Variants in NEIL3 observed in about 807,000 individuals in gnomAD.
NEIL3 encodes endonuclease 8-like 3.
NEIL3 carries 48 observed loss-of-function variants against 57.5 expected under a neutral mutation model. The ratio of observed to expected loss-of-function variants is 0.83; its 90% CI spans 0.66 to 1.06. NEIL3 has a LOEUF of 1.06. NEIL3 is among the 50% of genes least tolerant of loss of function. The probability of loss-of-function intolerance (pLI) is 0.00; values close to 1 mark genes in which losing one functional copy is unlikely to be tolerated. For synonymous variants in NEIL3, 261 were observed against 253.2 expected, an observed-to-expected ratio of 1.03 and a Z score of -0.29; for missense variants, 717 against 739.1, an observed-to-expected ratio of 0.97 and a Z score of 0.35.
chr4:177,353,023 G>A (rs17064690), intron 7 of NEIL3, among the ~76,000 whole-genome samples: 6,591 of 152,098 alleles, frequency 0.043, 379 homozygotes, highest in African/African-American at 0.13. Flanking sequence ...TGATAACTGA[G>A]TGACCTTTAA....
chr4:177,352,378 C>G (rs1425834343), intron 7 of NEIL3, among the ~76,000 whole-genome samples: 1 of 152,206 alleles, frequency 6.6e-6, no homozygotes, highest in East Asian at 1.9e-4. Flanking sequence ...TAGGTTGCCA[C>G]ATTGATTTCA....
In NEIL3 at chr4:177,353,514, T is replaced by C. The variant is rs1401953215; in HGVS notation, c.1246T>C (p.Phe416Leu). ...TKQNQILDEE[F>L]QNSPPASVCL... Reference sequence around the variant, plus strand: ...GCAAAACCAGATACTAGATGAGGAGTTTCAAAACTCTCCTCCTGCTAGTGT... The same window carrying C: ...GCAAAACCAGATACTAGATGAGGAGCTTCAAAACTCTCCTCCTGCTAGTGT... The change falls in exon 8 of 10, where the codon TTT (phenylalanine) becomes CTT (leucine). Residue 416 changes from phenylalanine to leucine, a missense_variant. By Grantham distance (22) the Phe-to-Leu change is conservative. Transcript: ENST00000264596. The C allele has an allele frequency of 6.8e-6, 11 of 1,609,756 alleles. No individual in the cohort carries two copies. Among genetic ancestry groups the C allele is most frequent in the Non-Finnish European group, 6.8e-6 (8 of 1,178,350 alleles).
chr4:177,332,847 C>T (rs1486740213), intron 2 of NEIL3, among the ~76,000 whole-genome samples: 1 of 152,154 alleles, frequency 6.6e-6, no homozygotes, highest in Non-Finnish European at 1.5e-5. Context: ...CTTTACTTTC[C>T]ATGGCGGGGC....
At position 177,310,028 on chromosome 4, in the gene NEIL3, C is replaced by G; in HGVS notation, c.75C>G (p.Thr25=). The G allele has an allele frequency of 5.0e-6, 8 of 1,610,258 alleles. No homozygotes were observed. Among genetic ancestry groups the G allele is most frequent in the Non-Finnish European group, 6.8e-6 (8 of 1,178,886 alleles). Residue 25 remains threonine (T), a synonymous_variant, in exon 1 of 10, where the codon ACC becomes ACG. Transcript: ENST00000264596. ...GGGTGCTCCCGGGCCAGGCGGTGAC[C>G]GGCGTGCGGGGAAGCGCTCTGCGGA... ...RARVLPGQAV[T]GVRGSALRSL...
intron 5 of NEIL3, among the ~76,000 whole-genome samples, chr4:177,340,320 G>C (rs1735067395): frequency 6.6e-6 from 1 of 152,106 alleles, no homozygotes; most frequent in South Asian, 2.1e-4. Context: ...CTGTAAAATG[G>C]GATAATAATG....
At chr4:177,355,606 G>C (rs1021875417) in intron 8 of NEIL3, among the ~76,000 whole-genome samples, 1 of 152,166 alleles carries the variant, frequency 6.6e-6, no homozygotes, top group East Asian at 1.9e-4. Flanking sequence ...TTGGGACCTA[G>C]AGTAATCTCA....
chr4:177,338,038 A>ACACACACC (rs1735012928), intron 4 of NEIL3, among the ~76,000 whole-genome samples: 1 of 151,906 alleles, frequency 6.6e-6, no homozygotes, highest in South Asian at 2.1e-4. Flanking sequence ...ACACACACAC[A>ACACACACC]CACACACACA....
chr4:177,327,941 G>T (rs571748564), intron 2 of NEIL3, among the ~76,000 whole-genome samples: 5 of 152,084 alleles, frequency 3.3e-5, no homozygotes, highest in Non-Finnish European at 1.5e-5. Flanking sequence ...TTCTGGATTC[G>T]ATTAGTTAAT....
chr4:177,335,706 A>G lies in NEIL3; in HGVS notation c.297A>G (p.Lys99=), dbSNP rs1044007989. 1.9e-6 allele frequency: 3 copies of G among 1,609,026 alleles called. No homozygotes were observed. The highest frequency in any genetic ancestry group is 2.7e-5 in the African/African-American group (2 of 74,698). ...PKALRIHFGM[K]GFIMINPLEY... is the part of the protein sequence containing the mutation. ...GTTTCAGGATTCATTTCGGAATGAA[A>G]GGCTTCATCATGATTAATCCACTTG... The change falls in exon 3 of 10, where the codon AAA becomes AAG. Residue 99 remains lysine, a synonymous_variant. Transcript: ENST00000264596.
At position 177,351,523 on chromosome 4, in the gene NEIL3, ATGCT is replaced by A. The variant is rs753347057; in HGVS notation, c.1020_1023del (p.Cys340Ter). 5 of 1,613,508 alleles carry A rather than the reference ATGCT, an allele frequency of 3.1e-6. No individual in the cohort carries two copies. Among genetic ancestry groups the A allele is most frequent in the Admixed American group, 1.7e-5 (1 of 59,844 alleles). ...AATAAGCCCTCTTCTAAGGCATGTG[ATGCT>A]TGCTTGACCTCAAGGCCTATTGGTA... On this transcript the variant is annotated frameshift_variant, in exon 7 of 10. Transcript: ENST00000264596. LOFTEE classifies it high-confidence loss of function.
intron 4 of NEIL3, among the ~76,000 whole-genome samples, chr4:177,338,024 T>TCACACACACACA (rs35763650): frequency 6.7e-6 from 1 of 149,368 alleles, no homozygotes; most frequent in African/African-American, 2.5e-5. Context: ...TCTCTCTCTC[T>TCACACACACACA]CACACACACA....
Position 177,341,567 on chromosome 4 carries a change from G to A in NEIL3, c.794G>A (p.Arg265His), listed in dbSNP as rs1198787789. ...GQCHCRITVC[R>H]FGDNNRMTYF... ...TGCCACTGCAGAATAACTGTGTGCC[G>A]CTTTGGGGACAATAACAGAATGACA... The change falls in exon 6 of 10, where the codon CGC (arginine) becomes CAC (histidine). Residue 265 changes from arginine to histidine, a missense_variant. Arg to His is a conservative substitution (Grantham distance 29). Coordinates refer to ENST00000264596, the MANE Select transcript of NEIL3 (RefSeq NM_018248.3). 15 of 1,613,554 alleles carry A rather than the reference G, an allele frequency of 9.3e-6. No homozygotes were observed. The Admixed American group carries it at 1.2e-4, about 13-fold the overall frequency.
intron 9 of NEIL3, among the ~76,000 whole-genome samples, chr4:177,361,076 T>C (rs772096990): frequency 6.6e-6 from 1 of 152,190 alleles, no homozygotes. Context: ...TAAAGGTTTA[T>C]AAGAAAAGCA....
At chr4:177,361,466 C>A (rs2110945415) in intron 9 of NEIL3, among the ~76,000 whole-genome samples, 1 of 152,278 alleles carries the variant, frequency 6.6e-6, no homozygotes, top group South Asian at 2.1e-4. Flanking sequence ...CAATGTGATA[C>A]CTTCTTAAGG....
intron 4 of NEIL3, among the ~76,000 whole-genome samples, 166 bp downstream of exon 4, chr4:177,336,487 C>T: frequency 6.6e-6 from 1 of 152,174 alleles, no homozygotes; most frequent in African/African-American, 2.4e-5. Context: ...CGGCTCCTAC[C>T]ACCGCACTTG....
chr4:177,324,988 A>ATAGATAG (rs1560910071), intron 2 of NEIL3, among the ~76,000 whole-genome samples: 59 of 113,222 alleles, frequency 5.2e-4, no homozygotes, highest in African/African-American at 2.0e-3. Context: ...TAGATAGATA[A>ATAGATAG]GTAAATATAT....
At chr4:177,349,751 T>TA (rs1366661497) in intron 6 of NEIL3, among the ~76,000 whole-genome samples, 13 of 152,134 alleles carry the variant, frequency 8.5e-5, no homozygotes, top group African/African-American at 3.1e-4. Flanking sequence ...GATTAAGAAA[T>TA]AGAGCAGTAA....
At chr4:177,311,674 C>CAAAAA (rs763838033) in intron 1 of NEIL3, among the ~76,000 whole-genome samples, 1 of 58,604 alleles carries the variant, frequency 1.7e-5, no homozygotes, top group Non-Finnish European at 3.9e-5. Context: ...AACTCTGTCT[C>CAAAAA]AAAAAAAAAA....
chr4:177,342,371 G>T (rs187982706), intron 6 of NEIL3, among the ~76,000 whole-genome samples: 2 of 152,220 alleles, frequency 1.3e-5, no homozygotes, highest in African/African-American at 4.8e-5. Flanking sequence ...TTATGCAGTA[G>T]AAAGCAGCTG....
Sources: gnomAD v4.1 joint callset for allele counts (sites outside exome capture counted in the v4.1 genomes callset) on GRCh38, gnomAD v4.1.1 for gene constraint, MANE v1.5 for transcripts, NCBI Gene and HGNC (gene_info 2026-07-23, HGNC 2026-07-21) for gene names.